REXO5: variants seen among roughly 807,000 people sequenced by gnomAD.
The protein encoded by REXO5 is RNA exonuclease 5, also known as exonuclease NEF-sp.
A neutral mutation model predicts 88.5 loss-of-function variants in REXO5; 48 were observed. The ratio of observed to expected loss-of-function variants is 0.54; its 90% CI spans 0.43 to 0.69. REXO5 has a LOEUF of 0.69. REXO5 is among the 30% of genes least tolerant of loss of function. The probability of loss-of-function intolerance (pLI) is 0.00; values close to 1 mark genes in which losing one functional copy is unlikely to be tolerated. For missense variants in REXO5, 749 were observed against 912.2 expected (o/e 0.82, Z 2.30); for synonymous variants, 311 against 336.5 (o/e 0.92, Z 0.83).
chr16:20,815,045 T>G lies in REXO5; in HGVS notation c.370T>G (p.Phe124Val), dbSNP rs1200316876. Residue 124 changes from phenylalanine (F) to valine (V), a missense_variant, in exon 4 of 20, where the codon TTC (phenylalanine) becomes GTC (valine). Coordinates refer to ENST00000261377, the MANE Select transcript of REXO5 (RefSeq NM_030941.3). ...YLEFGCLRKA[F>V]RHKFRLPPPS... is the part of the protein sequence containing the mutation. The stretch of plus-strand genomic sequence containing the variant: ...GGAGTTTGGATGTCTTCGAAAAGCA[T>G]TCAGACATGTAAGTTAAGAATACTT... 1.2e-6 allele frequency: 2 copies of G among 1,611,592 alleles called. No homozygotes were observed. The highest frequency in any genetic ancestry group is 2.2e-5 in the South Asian group (2 of 90,630).
chr16:20,808,161 C>T (rs1409750147), intron 2 of REXO5, among the ~76,000 whole-genome samples: 1 of 152,196 alleles, frequency 6.6e-6, no homozygotes, highest in African/African-American at 2.4e-5. Flanking sequence ...CCCCCCAGCC[C>T]TTCTCCCAGT....
chr16:20,844,833 T>C lies in REXO5; in HGVS notation c.1924T>C (p.Tyr642His), dbSNP rs957656722. ...KDLKSGKQKK[Y>H]CFLKFKSFGS... ...TCTTAAAAGTGGAAAGCAGAAAAAA[T>C]ACTGTTTCCTGAGTAAGTCTATGCT... Residue 642 changes from tyrosine to histidine, a missense_variant, in exon 17 of 20, where the codon TAC (tyrosine) becomes CAC (histidine). Tyr to His is a moderately conservative substitution (Grantham distance 83). Coordinates refer to ENST00000261377, the MANE Select transcript of REXO5 (RefSeq NM_030941.3). The C allele has an allele frequency of 6.8e-6, 11 of 1,613,664 alleles. No individual in the cohort carries two copies. The highest frequency in any genetic ancestry group is 2.2e-5 in the East Asian group (1 of 44,882).
rs1350760742 is a variant in REXO5, at chr16:20,842,481, TG to T, written c.1627-1452del. ...TCTTGTTTCTACCCTTTGTTTTGTT[TG>T]TTTTTTTTTTTTTTGAGATAGGGTC... On this transcript the variant is annotated intron_variant, in intron 15 of 19. Coordinates refer to ENST00000261377, the MANE Select transcript of REXO5 (RefSeq NM_030941.3). Among the ~76,000 whole-genome samples the T allele has an allele frequency of 5.8e-5, 8 of 136,952 alleles. 3 individuals are homozygous for T. The highest frequency in any genetic ancestry group is 1.5e-4 in the Admixed American group (2 of 12,998). The allele number at this position is 136,952 out of a possible 152,430, so 89.8% of individuals were successfully genotyped here. A position where few individuals can be genotyped will look rare whatever the true frequency, so the allele number is the denominator to read the frequency against.
At chr16:20,843,155 C>G (rs568662067) in intron 15 of REXO5, among the ~76,000 whole-genome samples, 1 of 152,202 alleles carries the variant, frequency 6.6e-6, no homozygotes, top group African/African-American at 2.4e-5. Context: ...CTTGTTTGCC[C>G]TTTTTTTCTT....
Position 20,813,283 on chromosome 16 carries a change from T to C in REXO5, c.232T>C (p.Ser78Pro). ...ELLKYAVLGK[S>P]NVPKPSWCQL... is the part of the protein sequence containing the mutation. ...GCTGAAGTATGCAGTTCTGGGCAAA[T>C]CCAATGTTCCAAAACCCAGGTATGA... Residue 78 changes from serine to proline, a missense_variant, in exon 3 of 20, where the codon TCC becomes CCC. Ser to Pro is a moderately conservative substitution (Grantham distance 74). Coordinates refer to ENST00000261377, the MANE Select transcript of REXO5 (RefSeq NM_030941.3). The C allele has an allele frequency of 5.6e-6, 9 of 1,611,186 alleles. No individual in the cohort carries two copies. Among genetic ancestry groups the C allele is most frequent in the Non-Finnish European group, 7.6e-6 (9 of 1,177,854 alleles).
chr16:20,848,121 C>T (rs1260142655), intron 19 of REXO5, among the ~76,000 whole-genome samples: 1 of 152,166 alleles, frequency 6.6e-6, no homozygotes, highest in Non-Finnish European at 1.5e-5. Flanking sequence ...ACATATTGAT[C>T]AAACTCAGCA....
rs2081498678 is a variant in REXO5 at position 20,839,847 on chromosome 16, G to A, written c.1476G>A (p.Glu492=). The change falls in exon 14 of 20, where the codon GAG becomes GAA. Residue 492 remains glutamate (E), a synonymous_variant. Transcript: ENST00000261377. The stretch of plus-strand genomic sequence containing the variant: ...CCTTTTCACCTGTCCTCACTGAGGA[G>A]ATGAACAAAAGGGTAAGTGAATGGG... ...FKAFSPVLTE[E]MNKRMRIKWT... 3 of 1,607,180 alleles carry A rather than the reference G, an allele frequency of 1.9e-6. No individual in the cohort carries two copies. The highest frequency in any genetic ancestry group is 1.3e-5 in the African/African-American group (1 of 74,870).
At chr16:20,834,577 A>G (rs532956129) in intron 13 of REXO5, among the ~76,000 whole-genome samples, 3 of 151,958 alleles carry the variant, frequency 2.0e-5, no homozygotes, top group African/African-American at 7.2e-5. Flanking sequence ...TCCTTTGGGC[A>G]CTCCCATTGC....
chr16:20,815,616 G>T (rs1012051149), intron 4 of REXO5, among the ~76,000 whole-genome samples: 1 of 152,078 alleles, frequency 6.6e-6, no homozygotes, highest in Admixed American at 6.5e-5. Context: ...CCTGCTACAC[G>T]TATCATCTTT....
chr16:20,827,261 A>G (rs1428006225), intron 9 of REXO5, 65 bp downstream of exon 9: 2 of 1,608,760 alleles, frequency 1.2e-6, no homozygotes, highest in Middle Eastern at 1.7e-4. Context: ...TCTCAAATCT[A>G]AAGTCTTGGG....
At chr16:20,809,996 A>G (rs1320238651) in intron 2 of REXO5, among the ~76,000 whole-genome samples, 5 of 152,230 alleles carry the variant, frequency 3.3e-5, no homozygotes, top group African/African-American at 1.2e-4. Flanking sequence ...TTAAATATCC[A>G]AGATTTTGTC....
At chr16:20,807,578 C>G (rs959696677) in intron 2 of REXO5, among the ~76,000 whole-genome samples, 21 of 130,796 alleles carry the variant, frequency 1.6e-4, no homozygotes, top group Non-Finnish European at 1.4e-4. Flanking sequence ...AAAGAAATCA[C>G]GTCTCAGAAA....
chr16:20,816,399 C>T (rs868430013), intron 5 of REXO5, among the ~76,000 whole-genome samples, 187 bp downstream of exon 5: 2 of 152,008 alleles, frequency 1.3e-5, no homozygotes, highest in Non-Finnish European at 2.9e-5. Context: ...TCACACGGCT[C>T]ACTGCAGCCT....
chr16:20,825,777 A>G, intron 7 of REXO5, 56 bp from the exon 8 acceptor site: 1 of 1,240,572 alleles, frequency 8.1e-7, no homozygotes, highest in Non-Finnish European at 1.2e-6. Context: ...TGTAAATAGT[A>G]AGAAGAAGCA....
At chr16:20,822,658 T>C (rs1451989093) in intron 6 of REXO5, among the ~76,000 whole-genome samples, 1 of 152,234 alleles carries the variant, frequency 6.6e-6, no homozygotes, top group Non-Finnish European at 1.5e-5. Flanking sequence ...TGTAAGTGGA[T>C]GTGCAATATG....
Position 20,840,346 on chromosome 16 carries a change from A to G in REXO5, c.1504A>G (p.Thr502Ala). Reference sequence around the variant, plus strand: ...TTTCCTACAGATGAGGATCAAGTGGACAGAGATATCAACTGTCTATGCTGG... The same window carrying G: ...TTTCCTACAGATGAGGATCAAGTGGGCAGAGATATCAACTGTCTATGCTGG... ...EMNKRMRIKW[T>A]EISTVYAGPF... Residue 502 changes from threonine to alanine, a missense_variant, in exon 15 of 20, where the codon ACA becomes GCA. Transcript: ENST00000261377. 1 of 1,553,748 alleles carries G rather than the reference A, an allele frequency of 6.4e-7. No homozygotes were observed. The highest frequency in any genetic ancestry group is 1.3e-5 in the African/African-American group (1 of 74,208).
At chr16:20,839,687 G>A in intron 13 of REXO5, 68 bp from the exon 14 acceptor site, 1 of 970,520 alleles carries the variant, frequency 1.0e-6, no homozygotes, top group Non-Finnish European at 1.5e-6. Flanking sequence ...TATTATTGTG[G>A]CTCATATCCA....
At chr16:20,809,550 T>C (rs1159794114) in intron 2 of REXO5, among the ~76,000 whole-genome samples, 1 of 152,246 alleles carries the variant, frequency 6.6e-6, no homozygotes, top group Non-Finnish European at 1.5e-5. Context: ...ATTTGTCTGT[T>C]TCTTCATTGA....
chr16:20,814,012 T>C (rs1196669084), intron 3 of REXO5, among the ~76,000 whole-genome samples: 2 of 152,184 alleles, frequency 1.3e-5, no homozygotes, highest in African/African-American at 4.8e-5. Flanking sequence ...GAGGTTGTTA[T>C]GAATTGGCTA....
Sources: gnomAD v4.1 joint callset for allele counts (sites outside exome capture counted in the v4.1 genomes callset) on GRCh38, gnomAD v4.1.1 for gene constraint, MANE v1.5 for transcripts, NCBI Gene and HGNC (gene_info 2026-07-23, HGNC 2026-07-21) for gene names.